GRID2: variants seen among roughly 807,000 people sequenced by gnomAD.
GRID2 encodes glutamate receptor ionotropic, delta-2.
Under a neutral mutation model 114.8 loss-of-function variants are expected in GRID2, and 33 were observed. That is an observed-to-expected ratio of 0.29 (90% CI 0.22 to 0.38). GRID2 has a LOEUF of 0.38. GRID2 is among the 10% of genes least tolerant of loss of function. GRID2 has a pLI of 1.00. For synonymous variants in GRID2, 505 were observed against 449.9 expected (o/e 1.12, Z -1.55); for missense variants, 1,184 against 1,257.7 (o/e 0.94, Z 0.89).
chr4:92,753,343 C>G (rs1437060076), intron 2 of GRID2, among the ~76,000 whole-genome samples: 2 of 152,074 alleles, frequency 1.3e-5, no homozygotes, highest in Non-Finnish European at 2.9e-5. Context: ...GACTTTGAAA[C>G]ACTGGAGGAA....
At chr4:92,604,531 T>G (rs887449689) in intron 2 of GRID2, among the ~76,000 whole-genome samples, 1 of 151,566 alleles carries the variant, frequency 6.6e-6, no homozygotes, top group African/African-American at 2.4e-5. Context: ...AGGGGACTTT[T>G]GGGGGTTATG....
chr4:92,334,094 C>T (rs897334919), intron 1 of GRID2, among the ~76,000 whole-genome samples: 3 of 152,160 alleles, frequency 2.0e-5, no homozygotes, highest in Non-Finnish European at 2.9e-5. Context: ...AGGGCCTGGA[C>T]ACAATTCCTC....
intron 12 of GRID2, among the ~76,000 whole-genome samples, chr4:93,504,237 G>C (rs943177084): frequency 2.6e-5 from 4 of 152,020 alleles, no homozygotes; most frequent in African/African-American, 9.6e-5. Flanking sequence ...ATTTCATTTG[G>C]GTCATTGTTT....
chr4:92,451,335 T>A (rs1318387452), intron 1 of GRID2, among the ~76,000 whole-genome samples: 13 of 152,126 alleles, frequency 8.5e-5, no homozygotes, highest in Non-Finnish European at 1.5e-5. Context: ...TTGTCTAGAA[T>A]CACGCTCAAT....
At chr4:93,453,672 A>G (rs1247524276) in intron 10 of GRID2, among the ~76,000 whole-genome samples, 1 of 152,114 alleles carries the variant, frequency 6.6e-6, no homozygotes, top group Non-Finnish European at 1.5e-5. Flanking sequence ...ATTTAAAAGT[A>G]AAACATATAA....
At chr4:92,706,942 C>T (rs925812523) in intron 2 of GRID2, among the ~76,000 whole-genome samples, 6 of 151,998 alleles carry the variant, frequency 3.9e-5, no homozygotes, top group South Asian at 2.1e-4. Context: ...GTCACCAATT[C>T]GACATACTAT....
At chr4:92,954,498 C>T (rs1346173314) in intron 2 of GRID2, among the ~76,000 whole-genome samples, 1 of 151,934 alleles carries the variant, frequency 6.6e-6, no homozygotes, top group Non-Finnish European at 1.5e-5. Flanking sequence ...GCGATCTCGA[C>T]TCACTGCAAG....
chr4:93,534,780 A>G (rs1731857769), intron 13 of GRID2, among the ~76,000 whole-genome samples: 1 of 151,942 alleles, frequency 6.6e-6, no homozygotes, highest in Admixed American at 6.6e-5. Context: ...GATTTGATGT[A>G]TGTATACATT....
chr4:92,876,268 CT>C (rs556445319), intron 2 of GRID2, among the ~76,000 whole-genome samples: 2,107 of 145,420 alleles, frequency 0.014, 32 homozygotes, highest in East Asian at 0.055. Context: ...ACCCAATTAT[CT>C]TTTTTTTTTA....
chr4:93,225,951 AG>A (rs1362155974), intron 7 of GRID2, among the ~76,000 whole-genome samples: 1 of 152,180 alleles, frequency 6.6e-6, no homozygotes, highest in African/African-American at 2.4e-5. Flanking sequence ...AGAGCGAAAA[AG>A]GGGGCCAAGA....
At chr4:93,067,545 A>G (rs747357526) in intron 2 of GRID2, among the ~76,000 whole-genome samples, 1 of 152,036 alleles carries the variant, frequency 6.6e-6, no homozygotes, top group African/African-American at 2.4e-5. Context: ...CACCTCCCAA[A>G]GACCCTACAT....
intron 13 of GRID2, among the ~76,000 whole-genome samples, chr4:93,520,397 A>G (rs1016412387): frequency 2.6e-5 from 4 of 152,124 alleles, no homozygotes; most frequent in Admixed American, 6.6e-5. Context: ...AGGTTGGGAA[A>G]TACTTCTCTG....
chr4:93,325,955 CT>C (rs1213056000), intron 8 of GRID2, among the ~76,000 whole-genome samples: 1 of 152,082 alleles, frequency 6.6e-6, no homozygotes, highest in Non-Finnish European at 1.5e-5. Flanking sequence ...TGTGTTACTC[CT>C]TTTCTTCACT....
intron 2 of GRID2, among the ~76,000 whole-genome samples, chr4:92,709,589 A>AAAATATATATAT (rs779775767): frequency 7.0e-5 from 8 of 114,632 alleles, no homozygotes; most frequent in East Asian, 5.8e-4. Flanking sequence ...AAAAAAAAAA[A>AAAATATATATAT]ATATATATAT....
intron 1 of GRID2, among the ~76,000 whole-genome samples, chr4:92,305,690 C>T (rs1377439288): frequency 1.3e-5 from 2 of 152,118 alleles, no homozygotes; most frequent in African/African-American, 4.8e-5. Context: ...CTGGCCGCGG[C>T]GAGCAGGGGC....
chr4:93,689,460 A>G (rs1726354171), intron 14 of GRID2, among the ~76,000 whole-genome samples: 1 of 152,052 alleles, frequency 6.6e-6, no homozygotes, highest in African/African-American at 2.4e-5. Flanking sequence ...TAAATCATTA[A>G]CAAATAAATT....
chr4:93,041,425 T>C (rs183442012), intron 2 of GRID2, among the ~76,000 whole-genome samples: 1 of 152,198 alleles, frequency 6.6e-6, no homozygotes, highest in Non-Finnish European at 1.5e-5. Context: ...CTTAGGTTAG[T>C]GTCAACTGTC....
intron 13 of GRID2, among the ~76,000 whole-genome samples, chr4:93,533,364 C>T (rs1258620735): frequency 8.1e-5 from 10 of 122,844 alleles, no homozygotes; most frequent in Non-Finnish European, 1.5e-4. Flanking sequence ...CCCTTCCTTA[C>T]TTCTCTCTCT....
chr4:92,826,938 G>A (rs1301487677), intron 2 of GRID2, among the ~76,000 whole-genome samples: 1 of 152,022 alleles, frequency 6.6e-6, no homozygotes, highest in Non-Finnish European at 1.5e-5. Context: ...AGTTCATTGA[G>A]AAGAGTTCAT....
Sources: gnomAD v4.1 joint callset for allele counts (sites outside exome capture counted in the v4.1 genomes callset) on GRCh38, gnomAD v4.1.1 for gene constraint, MANE v1.5 for transcripts, NCBI Gene and HGNC (gene_info 2026-07-23, HGNC 2026-07-21) for gene names.